Variants in ZNF676 observed in about 807,000 individuals in gnomAD.
ZNF676 encodes zinc finger protein 676.
ZNF676 carries 4 observed loss-of-function variants against 6.0 expected under a neutral mutation model. The ratio of observed to expected loss-of-function variants is 0.67; its 90% CI spans 0.33 to 1.53. The LOEUF (loss-of-function observed/expected upper bound fraction) is 1.53, where lower values mean the gene tolerates loss of function less well. Among genes scored for constraint, ZNF676 ranks in the 40% most tolerant of loss-of-function variants. The probability of loss-of-function intolerance (pLI) is 0.06; values close to 1 mark genes in which losing one functional copy is unlikely to be tolerated. For synonymous variants in ZNF676, 198 were observed against 223.1 expected (o/e 0.89, Z 1.00); for missense variants, 644 against 679.7 (o/e 0.95, Z 0.58).
the ZNF676 span, among the ~76,000 whole-genome samples, chr19:22,230,666 TA>T: frequency 2.4e-4 from 28 of 118,490 alleles, no homozygotes; most frequent in African/African-American, 6.3e-4. Context: ...TGTATATATA[TA>T]TATTTTTTTG....
At chr19:22,230,000 A>C in the ZNF676 span, among the ~76,000 whole-genome samples, 1 of 152,210 alleles carries the variant, frequency 6.6e-6, no homozygotes, top group Non-Finnish European at 1.5e-5. Context: ...ATTACTGGGT[A>C]TATACCCGAA....
intron 1 of ZNF676, among the ~76,000 whole-genome samples, chr19:22,211,457 G>GA (rs2024128885): frequency 6.6e-6 from 1 of 152,148 alleles, no homozygotes; most frequent in African/African-American, 2.4e-5. Flanking sequence ...CTAAGTGTTT[G>GA]AAAAATCCAG....
At chr19:22,257,540 G>T in the ZNF676 span, among the ~76,000 whole-genome samples, 1 of 152,160 alleles carries the variant, frequency 6.6e-6, no homozygotes, top group South Asian at 2.1e-4. Context: ...CGACATGATA[G>T]GTAATAATGT....
At chr19:22,207,663 A>G (rs1321154763) in intron 1 of ZNF676, among the ~76,000 whole-genome samples, 7 of 152,198 alleles carry the variant, frequency 4.6e-5, no homozygotes, top group Non-Finnish European at 1.0e-4. Context: ...AAAACAAGAA[A>G]GCTGGAGGCA....
chr19:22,190,671 A>ATGTTG, intron 2 of ZNF676, among the ~76,000 whole-genome samples: 1 of 100,514 alleles, frequency 9.9e-6, no homozygotes, highest in African/African-American at 3.0e-5. Context: ...ATATACATAC[A>ATGTTG]CACTTTAAGA....
At chr19:22,186,050 A>G (rs3951502) in intron 2 of ZNF676, among the ~76,000 whole-genome samples, 102,955 of 151,912 alleles carry the variant, frequency 0.68, 35,238 homozygotes, top group South Asian at 0.84. Flanking sequence ...GATGCTCCTC[A>G]AGAATAGCAA....
At position 22,181,243 on chromosome 19, in the gene ZNF676, T is replaced by C; in HGVS notation, c.474A>G (p.Gln158=). Residue 158 remains glutamine (Q), a synonymous_variant, in exon 3 of 3, where the codon CAA becomes CAG. Coordinates refer to ENST00000397121, the MANE Select transcript of ZNF676 (RefSeq NM_001001411.3). ...TCTCTCTAGTATAAATTCTTTCATG[T>C]TGAGATAGGTGTGAAAGCATGCAAA... ...RSFCMLSHLS[Q]HERIYTRENS... is the part of the protein sequence containing the mutation. 6.2e-7 allele frequency: 1 copy of C among 1,613,894 alleles called. No homozygotes were observed.
At chr19:22,226,375 A>T in the ZNF676 span, among the ~76,000 whole-genome samples, 1 of 152,068 alleles carries the variant, frequency 6.6e-6, no homozygotes. Flanking sequence ...TTGGCTAGTT[A>T]TAGTTAATAA....
intron 1 of ZNF676, among the ~76,000 whole-genome samples, chr19:22,202,937 T>C (rs2024040612): frequency 6.6e-6 from 1 of 152,200 alleles, no homozygotes; most frequent in African/African-American, 2.4e-5. Context: ...GCTATTTACA[T>C]TTTAAAGCAA....
At chr19:22,198,146 CACA>C (rs1286234479), upstream of ZNF676, among the ~76,000 whole-genome samples, 5 of 152,010 alleles carry the variant, frequency 3.3e-5, no homozygotes, top group Non-Finnish European at 7.4e-5. Flanking sequence ...CAGATGAAAC[CACA>C]ACATTACATG....
chr19:22,183,669 A>T (rs1308563667), intron 2 of ZNF676, among the ~76,000 whole-genome samples: 1 of 152,214 alleles, frequency 6.6e-6, no homozygotes, highest in Non-Finnish European at 1.5e-5. Flanking sequence ...ATCAAGATCC[A>T]ACTTGCCTTT....
At chr19:22,244,895 A>G in the ZNF676 span, 1 of 152,240 alleles carries the variant, frequency 6.6e-6, no homozygotes, top group Non-Finnish European at 1.5e-5. Flanking sequence ...GAAAAGATTT[A>G]CATCACCTAA....
upstream of ZNF676, among the ~76,000 whole-genome samples, chr19:22,217,131 T>A (rs967917965): frequency 1.4e-4 from 21 of 151,984 alleles, no homozygotes; most frequent in Admixed American, 9.2e-4. Flanking sequence ...CAATGTGTAG[T>A]CTTTCATCCC....
chr19:22,233,811 T>C, the ZNF676 span, among the ~76,000 whole-genome samples: 3 of 152,206 alleles, frequency 2.0e-5, no homozygotes, highest in Non-Finnish European at 2.9e-5. Flanking sequence ...TGGGGAAAGA[T>C]GCTGAGTGAT....
chr19:22,255,477 A>G, the ZNF676 span, among the ~76,000 whole-genome samples: 21 of 152,284 alleles, frequency 1.4e-4, no homozygotes, highest in Non-Finnish European at 2.5e-4. Flanking sequence ...AAGCCCAGTT[A>G]TGAGAGTCAA....
the ZNF676 span, among the ~76,000 whole-genome samples, chr19:22,233,258 C>T: frequency 2.0e-5 from 3 of 152,174 alleles, no homozygotes; most frequent in Non-Finnish European, 4.4e-5. Context: ...ATCCACCCAT[C>T]GCTGCCTTCC....
At chr19:22,183,615 T>C (rs1025397826) in intron 2 of ZNF676, among the ~76,000 whole-genome samples, 43 of 152,208 alleles carry the variant, frequency 2.8e-4, no homozygotes, top group African/African-American at 9.6e-4. Flanking sequence ...GCTAGGATTA[T>C]AGGCACGAGC....
the ZNF676 span, among the ~76,000 whole-genome samples, chr19:22,231,208 A>AC: frequency 1.8e-5 from 1 of 54,124 alleles, no homozygotes; most frequent in Non-Finnish European, 3.3e-5. Context: ...AAGGTATCAC[A>AC]AAAAAAAATC....
At chr19:22,228,152 C>T in the ZNF676 span, among the ~76,000 whole-genome samples, 4 of 152,276 alleles carry the variant, frequency 2.6e-5, no homozygotes, top group South Asian at 2.1e-4. Flanking sequence ...AAAGCTTATC[C>T]ACCATGATCC....
Sources: allele counts gnomAD v4.1 joint callset (sites outside exome capture counted in the v4.1 genomes callset), GRCh38; gene constraint gnomAD v4.1.1; transcripts MANE v1.5; gene names NCBI Gene and HGNC (gene_info 2026-07-23, HGNC 2026-07-21).